APBA1: variants seen among roughly 807,000 people sequenced by gnomAD.
APBA1 encodes the protein amyloid beta precursor protein binding family A member 1.
Under a neutral mutation model 86.6 loss-of-function variants are expected in APBA1, and 55 were observed. The observed-to-expected ratio is 0.64, with a 90% CI of 0.51 to 0.80. The LOEUF is 0.80. Ranked by LOEUF, APBA1 falls within the 30% of genes least tolerant of loss-of-function variation. The probability of loss-of-function intolerance (pLI) is 0.00; values close to 1 mark genes in which losing one functional copy is unlikely to be tolerated. For synonymous variants in APBA1, 511 were observed against 493.9 expected, an observed-to-expected ratio of 1.03 and a Z score of -0.46; for missense variants, 1,090 against 1,183.0, an observed-to-expected ratio of 0.92 and a Z score of 1.15.
chr9:69,474,459 T>C (rs924912947), intron 3 of APBA1: 1 of 152,272 alleles, frequency 6.6e-6, no homozygotes, highest in African/African-American at 2.4e-5. Context: ...GTGATTTTTC[T>C]CAGCCCAGTT....
chr9:69,637,527 A>C (rs1294897336), intron 1 of APBA1, among the ~76,000 whole-genome samples: 4 of 152,238 alleles, frequency 2.6e-5, no homozygotes, highest in Admixed American at 6.5e-5. Flanking sequence ...ATTGAAAATT[A>C]AAAATTAAAA....
intron 1 of APBA1, among the ~76,000 whole-genome samples, chr9:69,569,506 A>C (rs1431135555): frequency 6.6e-6 from 1 of 150,780 alleles, no homozygotes; most frequent in Admixed American, 6.6e-5. Context: ...GCATCTAGTG[A>C]GTAGAAGCCA....
chr9:69,638,819 T>C (rs1823230091), intron 1 of APBA1, among the ~76,000 whole-genome samples: 1 of 152,204 alleles, frequency 6.6e-6, no homozygotes, highest in South Asian at 2.1e-4. Context: ...GGAAAAAACA[T>C]ATGAGGTGTA....
At chr9:69,440,967 G>T (rs1834810787) in intron 11 of APBA1, 29 bp downstream of exon 11, 2 of 1,605,622 alleles carry the variant, frequency 1.2e-6, no homozygotes, top group African/African-American at 2.7e-5. Flanking sequence ...CAACATTGTG[G>T]AAAAGGGTGT....
chr9:69,570,211 T>C (rs1165246715), intron 1 of APBA1, among the ~76,000 whole-genome samples: 2 of 152,228 alleles, frequency 1.3e-5, no homozygotes, highest in African/African-American at 4.8e-5. Context: ...TAAAGTGTAC[T>C]GAGTGCCGAC....
chr9:69,516,087 T>C lies in APBA1; in HGVS notation c.1124A>G (p.Lys375Arg), dbSNP rs1836137111. The C allele has an allele frequency of 6.2e-7, 1 of 1,613,000 alleles. No individual in the cohort carries two copies. Among genetic ancestry groups the C allele is most frequent in the Non-Finnish European group, 8.5e-7 (1 of 1,179,370 alleles). ...IRSPYTPDEP[K>R]EPIWVMRQDI... ...CTGGCGCATGACCCAGATGGGCTCT[T>C]TGGGCTCGTCGGGGGTGTAAGGCGA... is the stretch of plus-strand genomic sequence containing the variant. Residue 375 changes from lysine to arginine, a missense_variant, in exon 2 of 13, where the codon AAA becomes AGA. Coordinates refer to ENST00000265381, the MANE Select transcript of APBA1 (RefSeq NM_001163.4). This position sits in a 1 kb window ranked among gnomAD's most constrained non-coding sequence, Gnocchi z 7.3.
At chr9:69,464,207 C>T (rs1369336411) in intron 5 of APBA1, 4 of 152,236 alleles carry the variant, frequency 2.6e-5, no homozygotes, top group Admixed American at 1.3e-4. Context: ...CTTAAACAGG[C>T]ATCTCCATTT....
intron 7 of APBA1, 82 bp from the exon 8 acceptor site, chr9:69,456,514 A>G (rs1272240812): frequency 1.4e-6 from 2 of 1,421,496 alleles, no homozygotes; most frequent in African/African-American, 2.9e-5. Flanking sequence ...ACAGCCAGTC[A>G]AGTATGGTTC....
At chr9:69,640,562 A>G (rs1823266948) in intron 1 of APBA1, among the ~76,000 whole-genome samples, 1 of 152,094 alleles carries the variant, frequency 6.6e-6, no homozygotes, top group African/African-American at 2.4e-5. Flanking sequence ...ACCAACCACC[A>G]GAGCCTATGC....
intron 7 of APBA1, among the ~76,000 whole-genome samples, chr9:69,456,708 A>G (rs1285880866): frequency 6.6e-6 from 1 of 151,296 alleles, no homozygotes; most frequent in Non-Finnish European, 1.5e-5. Flanking sequence ...AAAAAAAAAG[A>G]CAAATCAAAA....
At chr9:69,458,997 G>A (rs750784071) in intron 5 of APBA1, among the ~76,000 whole-genome samples, 5 of 152,102 alleles carry the variant, frequency 3.3e-5, no homozygotes, top group Non-Finnish European at 7.4e-5. Context: ...TAGTAGAGAT[G>A]GGGTTTCTCC....
At chr9:69,542,773 C>T (rs1163993121) in intron 1 of APBA1, among the ~76,000 whole-genome samples, 3 of 152,086 alleles carry the variant, frequency 2.0e-5, no homozygotes, top group African/African-American at 7.2e-5. Context: ...CAAAAGTGTC[C>T]AAGTGTGGGT....
At position 69,427,872 on chromosome 9, in the gene APBA1, T is replaced by G. The variant is rs1215655057; in HGVS notation, c.*3455A>C. The G allele has an allele frequency of 1.3e-5, 2 of 152,170 alleles. No individual in the cohort carries two copies. The highest frequency in any genetic ancestry group is 3.8e-4 in the East Asian group (2 of 5,204). The allele number at this position is 152,170 out of a possible 1,614,324, so 9.4% of individuals were successfully genotyped here. A position where few individuals can be genotyped will look rare whatever the true frequency, so the allele number is the denominator to read the frequency against. ...CTTCTCCCGACACTTTACAATAAGC[T>G]CTATTTCACCCTCTTTACAGAACAA... On this transcript the variant is annotated 3_prime_UTR_variant, in exon 13 of 13. Transcript: ENST00000265381.
chr9:69,606,353 T>C (rs1822471963), intron 1 of APBA1, among the ~76,000 whole-genome samples: 1 of 152,214 alleles, frequency 6.6e-6, no homozygotes, highest in Non-Finnish European at 1.5e-5. Flanking sequence ...TGATATCTGC[T>C]GCCTAGTTTG....
intron 11 of APBA1, among the ~76,000 whole-genome samples, chr9:69,435,829 C>T (rs1429779846): frequency 2.6e-5 from 4 of 152,118 alleles, no homozygotes; most frequent in Admixed American, 2.6e-4. Context: ...GCTTTTGTTG[C>T]CATTGCTTTT....
intron 2 of APBA1, among the ~76,000 whole-genome samples, chr9:69,489,472 T>C (rs971319958): frequency 1.3e-5 from 2 of 152,106 alleles, no homozygotes; most frequent in African/African-American, 4.8e-5. Flanking sequence ...ATACAAAAAT[T>C]AATTCAAGAT....
chr9:69,623,036 C>G (rs1330529154), intron 1 of APBA1, among the ~76,000 whole-genome samples: 1 of 152,122 alleles, frequency 6.6e-6, no homozygotes, highest in Non-Finnish European at 1.5e-5. Flanking sequence ...CAAAGACTGT[C>G]CAGGGGTCCC....
chr9:69,662,367 T>C (rs1564106215), intron 1 of APBA1, among the ~76,000 whole-genome samples: 1 of 152,200 alleles, frequency 6.6e-6, no homozygotes, highest in Non-Finnish European at 1.5e-5. Context: ...GCCTGACACT[T>C]TGTAACTTGT....
At chr9:69,589,492 G>A (rs1316336396) in intron 1 of APBA1, among the ~76,000 whole-genome samples, 2 of 152,162 alleles carry the variant, frequency 1.3e-5, no homozygotes, top group East Asian at 1.9e-4. Flanking sequence ...ACTATACAGA[G>A]GGATGTGTGC....
Sources: allele counts gnomAD v4.1 joint callset (sites outside exome capture counted in the v4.1 genomes callset), GRCh38; gene constraint gnomAD v4.1.1; non-coding constraint Gnocchi (gnomAD v3.1); transcripts MANE v1.5; gene names NCBI Gene and HGNC (gene_info 2026-07-23, HGNC 2026-07-21).